LRP1B: variants seen among roughly 807,000 people sequenced by gnomAD.
The protein encoded by LRP1B is LDL receptor related protein 1B, also known as low-density lipoprotein receptor-related protein 1B.
Under a neutral mutation model 556.6 loss-of-function variants are expected in LRP1B, and 217 were observed. The ratio of observed to expected loss-of-function variants is 0.39; its 90% CI spans 0.35 to 0.44. The LOEUF is 0.44. LRP1B is among the 20% of genes least tolerant of loss of function. The pLI is 1.00. For missense variants in LRP1B, 5,053 were observed against 5,620.8 expected (o/e 0.90, Z 3.23); for synonymous variants, 2,047 against 1,865.8 (o/e 1.10, Z -2.50).
At chr2:141,339,300 CAA>C (rs199875427) in intron 3 of LRP1B, among the ~76,000 whole-genome samples, 22 of 75,654 alleles carry the variant, frequency 2.9e-4, no homozygotes, top group South Asian at 6.9e-4. Flanking sequence ...TGGGGTAACG[CAA>C]AAAAAAAAAA....
intron 31 of LRP1B, among the ~76,000 whole-genome samples, chr2:140,824,271 A>G (rs1691431000): frequency 6.6e-6 from 1 of 152,056 alleles, no homozygotes; most frequent in African/African-American, 2.4e-5. Context: ...AAAAGTTACT[A>G]TGCACTGTAC....
At chr2:140,512,627 A>G (rs926613820) in intron 51 of LRP1B, among the ~76,000 whole-genome samples, 2 of 152,120 alleles carry the variant, frequency 1.3e-5, no homozygotes, top group African/African-American at 4.8e-5. Flanking sequence ...CTCTTTTTTC[A>G]TCTCTCAAAA....
At chr2:141,937,371 C>A (rs1053842038) in intron 1 of LRP1B, among the ~76,000 whole-genome samples, 1 of 149,856 alleles carries the variant, frequency 6.7e-6, no homozygotes, top group Non-Finnish European at 1.5e-5. Context: ...GGCGACAGAG[C>A]GAGACTCCAT....
intron 43 of LRP1B, among the ~76,000 whole-genome samples, chr2:140,553,566 C>T (rs1391945116): frequency 1.3e-5 from 2 of 151,958 alleles, no homozygotes; most frequent in African/African-American, 4.8e-5. Context: ...AACATGATTG[C>T]CTAATTTCTA....
At chr2:141,914,967 C>A (rs1699993443) in intron 1 of LRP1B, among the ~76,000 whole-genome samples, 1 of 152,108 alleles carries the variant, frequency 6.6e-6, no homozygotes, top group African/African-American at 2.4e-5. Context: ...GTCAAACTAC[C>A]AATATCATTT....
At chr2:140,352,281 T>C (rs1222938444) in intron 76 of LRP1B, among the ~76,000 whole-genome samples, 2 of 152,064 alleles carry the variant, frequency 1.3e-5, no homozygotes, top group East Asian at 3.9e-4. Flanking sequence ...GTTGAAGCGA[T>C]TCTCCTGCAT....
chr2:140,790,881 A>C (rs1039971321), intron 32 of LRP1B, among the ~76,000 whole-genome samples: 5 of 151,970 alleles, frequency 3.3e-5, no homozygotes, highest in Non-Finnish European at 7.4e-5. Context: ...CAGGAGGATC[A>C]CTTGAGCCCA....
At chr2:141,908,436 C>G (rs1052030604) in intron 1 of LRP1B, among the ~76,000 whole-genome samples, 5 of 151,852 alleles carry the variant, frequency 3.3e-5, no homozygotes, top group African/African-American at 1.2e-4. Flanking sequence ...TTCTTTTCTT[C>G]ATGGATCTCA....
At chr2:140,922,902 CT>C (rs1383857235) in intron 21 of LRP1B, 62 bp downstream of exon 21, 12 of 1,430,930 alleles carry the variant, frequency 8.4e-6, no homozygotes, top group African/African-American at 2.9e-5. Flanking sequence ...CAGATTCAGC[CT>C]GAGCCAAAAG....
intron 31 of LRP1B, among the ~76,000 whole-genome samples, chr2:140,836,269 G>A (rs1691899594): frequency 6.6e-6 from 1 of 152,092 alleles, no homozygotes; most frequent in Admixed American, 6.6e-5. Context: ...TATCTCCATT[G>A]TATAGATATG....
At chr2:141,622,899 C>T (rs1448858519) in intron 2 of LRP1B, among the ~76,000 whole-genome samples, 1 of 152,086 alleles carries the variant, frequency 6.6e-6, no homozygotes, top group Non-Finnish European at 1.5e-5. Context: ...GATGCTTTGC[C>T]AAATTCCTCC....
chr2:141,167,907 A>G (rs181634138), intron 7 of LRP1B, among the ~76,000 whole-genome samples: 5 of 152,152 alleles, frequency 3.3e-5, no homozygotes, highest in African/African-American at 1.2e-4. Flanking sequence ...TGGGATTCAA[A>G]TCTAGGTCTG....
chr2:140,725,591 G>T (rs538316999), intron 35 of LRP1B, among the ~76,000 whole-genome samples: 3 of 150,812 alleles, frequency 2.0e-5, no homozygotes, highest in Non-Finnish European at 4.4e-5. Context: ...TGTAAATGAC[G>T]AGTTAATGGG....
intron 2 of LRP1B, among the ~76,000 whole-genome samples, chr2:141,646,895 G>T (rs903222580): frequency 1.3e-5 from 2 of 152,134 alleles, no homozygotes; most frequent in African/African-American, 4.8e-5. Flanking sequence ...GTCAGTCAAG[G>T]GGGGAACAAG....
At chr2:140,385,599 G>T (rs1402834883) in intron 67 of LRP1B, among the ~76,000 whole-genome samples, 1 of 152,152 alleles carries the variant, frequency 6.6e-6, no homozygotes, top group Non-Finnish European at 1.5e-5. Context: ...CTCATTGTGT[G>T]AACTTGCATC....
intron 32 of LRP1B, among the ~76,000 whole-genome samples, chr2:140,776,555 T>C (rs1220417430): frequency 6.7e-6 from 1 of 150,052 alleles, no homozygotes; most frequent in Non-Finnish European, 1.5e-5. Context: ...TTCAAATTAA[T>C]ATAAAATCAG....
At chr2:141,538,679 C>T (rs1197622388) in intron 2 of LRP1B, among the ~76,000 whole-genome samples, 1 of 150,558 alleles carries the variant, frequency 6.6e-6, no homozygotes, top group Non-Finnish European at 1.5e-5. Context: ...CTCTGTCACC[C>T]AGGCTGGAGT....
intron 63 of LRP1B, among the ~76,000 whole-genome samples, chr2:140,449,456 T>A (rs1264309111): frequency 6.6e-6 from 1 of 152,140 alleles, no homozygotes; most frequent in African/African-American, 2.4e-5. Context: ...ACCCTTTATA[T>A]GTTGTCTATC....
chr2:140,946,754 T>C (rs1695560568), intron 20 of LRP1B, among the ~76,000 whole-genome samples: 2 of 152,152 alleles, frequency 1.3e-5, no homozygotes, highest in African/African-American at 4.8e-5. Context: ...CTACTCACAG[T>C]GGCAGACATG....
Sources: gnomAD v4.1 joint callset for allele counts (sites outside exome capture counted in the v4.1 genomes callset) on GRCh38, gnomAD v4.1.1 for gene constraint, MANE v1.5 for transcripts, NCBI Gene and HGNC (gene_info 2026-07-23, HGNC 2026-07-21) for gene names.